Variants in LEKR1 observed in about 807,000 individuals in gnomAD.
LEKR1 encodes leucine, glutamate and lysine rich 1, also known as protein LEKR1.
In LEKR1, 59 loss-of-function variants were observed where a neutral mutation model predicts 72.4. That is an observed-to-expected ratio of 0.82 (90% CI 0.66 to 1.01). The LOEUF is 1.01. Among genes scored for constraint, LEKR1 ranks in the 50% least tolerant of loss-of-function variants. LEKR1 has a pLI of 0.00. For synonymous variants in LEKR1, 257 were observed against 263.2 expected, an observed-to-expected ratio of 0.98 and a Z score of 0.23; for missense variants, 728 against 759.2, an observed-to-expected ratio of 0.96 and a Z score of 0.48.
At position 156,850,840 on chromosome 3, in the gene LEKR1, CAT is replaced by C. The variant is rs753321545; in HGVS notation, c.49-1926_49-1925del. ...TGCTATGGATTCTCTAAAATGGAAA[CAT>C]AGATAGAAAGGAAATAATTGGTATA... is the stretch of plus-strand genomic sequence containing the variant. On this transcript the variant is annotated intron_variant, in intron 2 of 12. Coordinates refer to ENST00000356539, the MANE Select transcript of LEKR1 (RefSeq NM_001004316.3). Among the ~76,000 whole-genome samples, 58 of 152,070 alleles carry C rather than the reference CAT, an allele frequency of 3.8e-4. 1 individual carries two copies. The highest frequency in any genetic ancestry group is 1.5e-3 in the Admixed American group (23 of 15,254).
At chr3:157,010,022 C>A (rs1351735891) in intron 9 of LEKR1, among the ~76,000 whole-genome samples, 1 of 151,946 alleles carries the variant, frequency 6.6e-6, no homozygotes, top group African/African-American at 2.4e-5. Context: ...CATAATATTT[C>A]TGTATTATCA....
intron 3 of LEKR1, among the ~76,000 whole-genome samples, chr3:156,902,894 A>G (rs1054079845): frequency 3.3e-5 from 5 of 151,972 alleles, no homozygotes; most frequent in Admixed American, 6.6e-5. Context: ...TCCTGATTTT[A>G]AAAAAAGCAC....
At chr3:156,955,247 T>G (rs2107979106) in intron 6 of LEKR1, among the ~76,000 whole-genome samples, 1 of 152,114 alleles carries the variant, frequency 6.6e-6, no homozygotes, top group Admixed American at 6.6e-5. Context: ...GAGAAGCTTT[T>G]GGGCTGAGAC....
intron 6 of LEKR1, among the ~76,000 whole-genome samples, chr3:156,944,826 C>A (rs1413431193): frequency 6.6e-6 from 1 of 151,664 alleles, no homozygotes; most frequent in Non-Finnish European, 1.5e-5. Flanking sequence ...TGTTGATGGA[C>A]ATTTGGGTTA....
intron 3 of LEKR1, among the ~76,000 whole-genome samples, chr3:156,910,427 C>T (rs1394452057): frequency 6.6e-6 from 1 of 152,114 alleles, no homozygotes; most frequent in Non-Finnish European, 1.5e-5. Context: ...GTTTCCATAA[C>T]AATAGACACT....
intron 3 of LEKR1, among the ~76,000 whole-genome samples, chr3:156,869,199 C>CTTTGGATACAGGACA (rs2108545683): frequency 6.6e-6 from 1 of 151,988 alleles, no homozygotes; most frequent in South Asian, 2.1e-4. Context: ...ATTTCTTTTC[C>CTTTGGATACAGGACA]TTTGGATAAA....
Position 157,045,446 on chromosome 3 carries a change from G to C in LEKR1, c.1775G>C (p.Arg592Pro). The C allele has an allele frequency of 6.2e-7, 1 of 1,614,032 alleles. No individual in the cohort carries two copies. The highest frequency in any genetic ancestry group is 8.5e-7 in the Non-Finnish European group (1 of 1,179,934). Residue 592 changes from arginine (R) to proline (P), a missense_variant, in exon 13 of 13, where the codon CGT becomes CCT. Arg to Pro is a moderately radical substitution (Grantham distance 103). Transcript: ENST00000356539. Reference sequence around the variant, plus strand: ...CAGCTCCTGGAGCTCAGTAAGCTTCGTGGAAGTTTACCATTCTCACCGTGT... The same window carrying C: ...CAGCTCCTGGAGCTCAGTAAGCTTCCTGGAAGTTTACCATTCTCACCGTGT... ...REQLLELSKL[R>P]GSLPFSPCSL...
intron 3 of LEKR1, 35 bp from the exon 4 acceptor site, chr3:156,920,540 G>C (rs1724092851): frequency 1.5e-6 from 2 of 1,324,342 alleles, no homozygotes; most frequent in African/African-American, 1.5e-5. Flanking sequence ...GTACATATGA[G>C]AGAATACTTA....
intron 7 of LEKR1, among the ~76,000 whole-genome samples, chr3:156,990,763 C>G (rs1322842454): frequency 6.6e-6 from 1 of 152,144 alleles, no homozygotes; most frequent in Non-Finnish European, 1.5e-5. Flanking sequence ...ATTATGTCAT[C>G]ATCTTTTGTA....
At position 156,993,061 on chromosome 3, in the gene LEKR1, T is replaced by C; in HGVS notation, c.906-13T>C. ...AATGTATGTTGGTGGGTGTTTTTCC[T>C]ATTTCTTTTTAGGCATACTATGCTG... On this transcript the variant is annotated splice_polypyrimidine_tract_variant and intron_variant, in intron 8 of 12. Coordinates refer to ENST00000356539, the MANE Select transcript of LEKR1 (RefSeq NM_001004316.3). 2.0e-6 allele frequency: 3 copies of C among 1,506,708 alleles called. No homozygotes were observed. The highest frequency in any genetic ancestry group is 2.7e-6 in the Non-Finnish European group (3 of 1,106,220). 93.3% of individuals were successfully genotyped at this position (1,506,708 alleles called of 1,614,324 possible). A position where few individuals can be genotyped will look rare whatever the true frequency, so the allele number is the denominator to read the frequency against.
chr3:156,837,811 C>A (rs1278575619), intron 2 of LEKR1, among the ~76,000 whole-genome samples: 2 of 152,200 alleles, frequency 1.3e-5, no homozygotes, highest in Admixed American at 6.5e-5. Flanking sequence ...GTAGGAAATT[C>A]TTACCCTTTT....
At chr3:156,971,773 A>T (rs1729221037) in intron 6 of LEKR1, among the ~76,000 whole-genome samples, 1 of 152,208 alleles carries the variant, frequency 6.6e-6, no homozygotes, top group African/African-American at 2.4e-5. Flanking sequence ...GAGAAATGCA[A>T]ATCAAAACCA....
At chr3:156,972,701 A>C (rs998704359) in intron 6 of LEKR1, among the ~76,000 whole-genome samples, 1 of 142,710 alleles carries the variant, frequency 7.0e-6, no homozygotes, top group Non-Finnish European at 1.5e-5. Context: ...CAGATAAAAT[A>C]ATATTATATT....
intron 3 of LEKR1, among the ~76,000 whole-genome samples, chr3:156,873,075 A>G (rs1217829757): frequency 6.6e-6 from 1 of 151,952 alleles, no homozygotes; most frequent in Admixed American, 6.6e-5. Flanking sequence ...TCACCTTTTC[A>G]ATCTAAAATT....
intron 3 of LEKR1, among the ~76,000 whole-genome samples, chr3:156,868,300 T>A (rs569689022): frequency 6.6e-6 from 1 of 152,192 alleles, no homozygotes; most frequent in South Asian, 2.1e-4. Context: ...AAAATATGAA[T>A]CATAATAATT....
At chr3:157,022,304 A>T (rs528130850) in intron 10 of LEKR1, among the ~76,000 whole-genome samples, 6 of 152,288 alleles carry the variant, frequency 3.9e-5, no homozygotes, top group African/African-American at 1.2e-4. Flanking sequence ...AAGAAGGAAT[A>T]AAAAAATCTA....
At chr3:156,858,955 G>C (rs1716421452) in intron 3 of LEKR1, among the ~76,000 whole-genome samples, 1 of 152,032 alleles carries the variant, frequency 6.6e-6, no homozygotes, top group Non-Finnish European at 1.5e-5. Context: ...TTTCTAAATG[G>C]ATAGGTTGTT....
At chr3:156,893,863 G>T (rs1720916739) in intron 3 of LEKR1, among the ~76,000 whole-genome samples, 1 of 152,106 alleles carries the variant, frequency 6.6e-6, no homozygotes, top group African/African-American at 2.4e-5. Context: ...CTAGATCTGG[G>T]GCAGAAAATT....
At chr3:156,940,143 T>C (rs1271453112) in intron 5 of LEKR1, among the ~76,000 whole-genome samples, 2 of 152,144 alleles carry the variant, frequency 1.3e-5, no homozygotes, top group Admixed American at 6.6e-5. Flanking sequence ...ACTAATTTAT[T>C]AGGCATTTAT....
Sources: gnomAD v4.1 joint callset for allele counts (sites outside exome capture counted in the v4.1 genomes callset) on GRCh38, gnomAD v4.1.1 for gene constraint, MANE v1.5 for transcripts, NCBI Gene and HGNC (gene_info 2026-07-23, HGNC 2026-07-21) for gene names.